HS6ST3: variants seen among roughly 807,000 people sequenced by gnomAD.
HS6ST3 encodes heparan-sulfate 6-O-sulfotransferase 3.
A neutral mutation model predicts 36.7 loss-of-function variants in HS6ST3; 12 were observed. The ratio of observed to expected loss-of-function variants is 0.33; its 90% CI spans 0.21 to 0.53. HS6ST3 has a LOEUF of 0.53. Among genes scored for constraint, HS6ST3 ranks in the 20% least tolerant of loss-of-function variants. The pLI is 0.95. For missense variants in HS6ST3, 584 were observed against 640.9 expected, an observed-to-expected ratio of 0.91 and a Z score of 0.96; for synonymous variants, 240 against 257.5, an observed-to-expected ratio of 0.93 and a Z score of 0.65.
intron 1 of HS6ST3, among the ~76,000 whole-genome samples, chr13:96,539,679 T>C (rs2056170382): frequency 6.6e-6 from 1 of 152,158 alleles, no homozygotes; most frequent in East Asian, 1.9e-4. Context: ...TTTTCAGTAG[T>C]TCTTCATTAT....
chr13:96,470,763 G>A (rs933955881), intron 1 of HS6ST3, among the ~76,000 whole-genome samples: 5 of 151,980 alleles, frequency 3.3e-5, no homozygotes, highest in African/African-American at 7.3e-5. Flanking sequence ...GCTCAGTTGC[G>A]AGGCCATTTC....
intron 1 of HS6ST3, among the ~76,000 whole-genome samples, chr13:96,468,570 G>C (rs968189588): frequency 6.6e-6 from 1 of 151,680 alleles, no homozygotes; most frequent in African/African-American, 2.4e-5. Context: ...GAGGAAGCTA[G>C]AAGTAAAAGA....
chr13:96,126,232 AG>A (rs1156820264), intron 1 of HS6ST3, among the ~76,000 whole-genome samples: 2 of 152,060 alleles, frequency 1.3e-5, no homozygotes, highest in African/African-American at 2.4e-5. Context: ...CCAACCTAGT[AG>A]GGGCCATGTG....
chr13:96,594,183 G>A (rs1230585298), intron 1 of HS6ST3, among the ~76,000 whole-genome samples: 3 of 151,962 alleles, frequency 2.0e-5, no homozygotes, highest in Non-Finnish European at 4.4e-5. Context: ...TGTTGGCCAG[G>A]TTGGTCTCCT....
Position 96,833,242 on chromosome 13 carries a change from A to G in HS6ST3, c.*44A>G. 1 of 1,425,982 alleles carries G rather than the reference A, an allele frequency of 7.0e-7. No homozygotes were observed. The highest frequency in any genetic ancestry group is 9.3e-7 in the Non-Finnish European group (1 of 1,080,926). 88.3% of individuals were successfully genotyped at this position (1,425,982 alleles called of 1,614,324 possible). ...CTCAGGAGGGGGAGGGTGAGCAGGC[A>G]CATTGACTTTCTGTTGAGGTACCTT... On this transcript the variant is annotated 3_prime_UTR_variant, in exon 2 of 2. Transcript: ENST00000376705.
chr13:96,726,704 T>C (rs1876014478), intron 1 of HS6ST3, among the ~76,000 whole-genome samples: 1 of 152,240 alleles, frequency 6.6e-6, no homozygotes, highest in African/African-American at 2.4e-5. Context: ...CCCTCTACTA[T>C]AATTTTCCAT....
chr13:96,506,870 A>C (rs1231457218), intron 1 of HS6ST3, among the ~76,000 whole-genome samples: 2 of 152,148 alleles, frequency 1.3e-5, no homozygotes, highest in Admixed American at 6.6e-5. Flanking sequence ...GCTGTACCTG[A>C]TCGTCAAGGG....
intron 1 of HS6ST3, among the ~76,000 whole-genome samples, chr13:96,317,326 T>TTATATATATATA (rs537839404): frequency 1.0e-5 from 1 of 96,964 alleles, no homozygotes. Flanking sequence ...TAGTATTCCA[T>TTATATATATATA]TATATATATA....
At chr13:96,799,962 A>ATATATATATG (rs1566456775) in intron 1 of HS6ST3, among the ~76,000 whole-genome samples, 7 of 69,290 alleles carry the variant, frequency 1.0e-4, no homozygotes, top group African/African-American at 1.7e-4. Context: ...ATATATATAT[A>ATATATATATG]TGTGTATATA....
intron 1 of HS6ST3, among the ~76,000 whole-genome samples, chr13:96,474,367 C>T (rs764649564): frequency 2.6e-5 from 4 of 151,998 alleles, no homozygotes; most frequent in Non-Finnish European, 4.4e-5. Flanking sequence ...TAGGGACTGG[C>T]GTGACTGTGT....
chr13:96,785,176 A>T (rs1877618519), intron 1 of HS6ST3, among the ~76,000 whole-genome samples: 1 of 152,120 alleles, frequency 6.6e-6, no homozygotes, highest in South Asian at 2.1e-4. Context: ...CTAAAAAAAA[A>T]AAAGTTTCTC....
intron 1 of HS6ST3, among the ~76,000 whole-genome samples, chr13:96,590,455 T>A (rs1017821005): frequency 1.3e-5 from 2 of 152,110 alleles, no homozygotes; most frequent in Admixed American, 6.5e-5. Flanking sequence ...TTTGGCATAT[T>A]TTCATATTTT....
chr13:96,241,436 G>T (rs895302211), intron 1 of HS6ST3, among the ~76,000 whole-genome samples: 2 of 151,596 alleles, frequency 1.3e-5, no homozygotes, highest in Admixed American at 1.3e-4. Flanking sequence ...TTGAAAAAAA[G>T]CATTTAAATT....
At chr13:96,102,536 T>C (rs1182682499) in intron 1 of HS6ST3, among the ~76,000 whole-genome samples, 1 of 152,172 alleles carries the variant, frequency 6.6e-6, no homozygotes, top group Non-Finnish European at 1.5e-5. Context: ...TCTTTGTCTT[T>C]TAAATTCAGA....
intron 1 of HS6ST3, among the ~76,000 whole-genome samples, chr13:96,521,688 G>T (rs1165529958): frequency 6.6e-6 from 1 of 151,984 alleles, no homozygotes; most frequent in Non-Finnish European, 1.5e-5. Context: ...CTGTGGGATC[G>T]GTGGTGATAT....
intron 1 of HS6ST3, among the ~76,000 whole-genome samples, chr13:96,757,879 G>A (rs72645524): frequency 0.12 from 18,318 of 151,870 alleles, 1,251 homozygotes; most frequent in African/African-American, 0.17. Flanking sequence ...CAAATATTTT[G>A]TGTGCATTGA....
chr13:96,451,616 CA>C (rs2055728671), intron 1 of HS6ST3, among the ~76,000 whole-genome samples: 2 of 152,276 alleles, frequency 1.3e-5, no homozygotes, highest in South Asian at 4.1e-4. Context: ...CCATCTTGTG[CA>C]GAGTTGATTG....
intron 1 of HS6ST3, among the ~76,000 whole-genome samples, chr13:96,364,393 T>C (rs1309176120): frequency 6.6e-6 from 1 of 152,224 alleles, no homozygotes; most frequent in African/African-American, 2.4e-5. Flanking sequence ...TGGCATAGCA[T>C]ATATCTACAA....
At chr13:96,446,622 T>C (rs2055700523) in intron 1 of HS6ST3, among the ~76,000 whole-genome samples, 1 of 152,198 alleles carries the variant, frequency 6.6e-6, no homozygotes, top group African/African-American at 2.4e-5. Context: ...CTTTTTTTAC[T>C]GAGTTCTTAT....
Sources: allele counts gnomAD v4.1 joint callset (sites outside exome capture counted in the v4.1 genomes callset), GRCh38; gene constraint gnomAD v4.1.1; transcripts MANE v1.5; gene names NCBI Gene and HGNC (gene_info 2026-07-23, HGNC 2026-07-21).